Variants in RIF1 observed in about 807,000 individuals in gnomAD.
The protein encoded by RIF1 is replication timing regulatory factor 1.
In RIF1, 45 loss-of-function variants were observed where a neutral mutation model predicts 247.1. The observed-to-expected ratio is 0.18, with a 90% CI of 0.14 to 0.23. The LOEUF is 0.23. RIF1 is among the 10% of genes least tolerant of loss of function. RIF1 has a pLI of 1.00. For synonymous variants in RIF1, 1,087 were observed against 978.8 expected (o/e 1.11, Z -2.06); for missense variants, 2,967 against 2,862.5 (o/e 1.04, Z -0.83).
chr2:151,482,303 C>G (rs77264757), downstream of RIF1: 3,841 of 152,082 alleles, frequency 0.025, 63 homozygotes, highest in African/African-American at 0.042. Flanking sequence ...AAACATGAAC[C>G]CTTCCTTTTC....
At chr2:151,495,981 AAAAC>A (rs1447520857) in intron 10 of RIF1, among the ~76,000 whole-genome samples, 1 of 152,168 alleles carries the variant, frequency 6.6e-6, no homozygotes, top group Non-Finnish European at 1.5e-5. Flanking sequence ...AAGCATATCT[AAAAC>A]AAAGAGACCT....
At chr2:151,511,947 C>T (rs910670879), downstream of RIF1, among the ~76,000 whole-genome samples, 2 of 151,432 alleles carry the variant, frequency 1.3e-5, no homozygotes, top group Admixed American at 6.6e-5. Context: ...ACAAGTTGTA[C>T]CATGTTCTTC....
downstream of RIF1, chr2:151,485,837 C>A (rs1304300842): frequency 1.2e-6 from 2 of 1,614,100 alleles, no homozygotes; most frequent in Admixed American, 3.3e-5. Flanking sequence ...ATCCAGCCTT[C>A]ATCAATTGCT....
Position 151,451,630 on chromosome 2 carries a change from A to G in RIF1, c.2269A>G (p.Ile757Val), listed in dbSNP as rs139190699. The G allele has an allele frequency of 1.8e-4, 263 of 1,459,142 alleles. 3 individuals carry two copies. The South Asian group carries it at 2.6e-3, about 14-fold the overall frequency. The allele number at this position is 1,459,142 out of a possible 1,614,324, so 90.4% of individuals were successfully genotyped here. A position where few individuals can be genotyped will look rare whatever the true frequency, so the allele number is the denominator to read the frequency against. ...FSNLLFVDRI[I>V]YIITVMVDCI... The stretch of plus-strand genomic sequence containing the variant: ...GAATTTGTTGTTCGTGGATAGAATT[A>G]TTTATATTATTACTGTAATGGTTGA... Residue 757 changes from isoleucine (I) to valine (V), a missense_variant, in exon 21 of 36, where the codon ATT becomes GTT. Physicochemically the swap from Ile to Val is conservative, Grantham distance 29. Around this residue, in one of 7 missense-constraint regions of RIF1, gnomAD observed 2,028 missense variants for 1,825.6 expected, o/e 1.11. Transcript: ENST00000444746.
intron 9 of RIF1, chr2:151,493,074 C>A: frequency 2.9e-6 from 1 of 339,206 alleles, no homozygotes; most frequent in Non-Finnish European, 5.4e-6. Context: ...GTAGAACTAC[C>A]TCAAAGTATA....
intron 9 of RIF1, among the ~76,000 whole-genome samples, chr2:151,432,765 A>G (rs1690405939): frequency 2.6e-5 from 4 of 152,228 alleles, no homozygotes; most frequent in Admixed American, 6.5e-5. Context: ...TAAGATGTCA[A>G]TAGCATCCCC....
At chr2:151,421,752 C>T (rs1040213920) in intron 7 of RIF1, among the ~76,000 whole-genome samples, 2 of 151,992 alleles carry the variant, frequency 1.3e-5, no homozygotes, top group South Asian at 2.1e-4. Context: ...CAGAAGACTT[C>T]GTGGTAATGT....
chr2:151,522,293 T>C, the RIF1 span, among the ~76,000 whole-genome samples: 1 of 152,230 alleles, frequency 6.6e-6, no homozygotes, highest in African/African-American at 2.4e-5. Context: ...TAAAAGTTTA[T>C]ACTGTTGATT....
rs149469430 is a variant in RIF1, at chr2:151,455,175, T to A, written c.2609+16T>A. The A allele has an allele frequency of 7.3e-4, 1,153 of 1,578,272 alleles. 5 individuals carry two copies. The African/African-American group carries it at 0.014, about 19-fold the overall frequency. On this transcript the variant is annotated intron_variant, in intron 22 of 35. Transcript: ENST00000444746. The stretch of plus-strand genomic sequence containing the variant: ...AAAACTCAAAGTAAGTATTTTGGAC[T>A]AAGTAGCTTTGAATTAAATGTATAC...
At chr2:151,434,856 G>T (rs1286928568) in intron 10 of RIF1, among the ~76,000 whole-genome samples, 1 of 151,984 alleles carries the variant, frequency 6.6e-6, no homozygotes, top group African/African-American at 2.4e-5. Context: ...TATTTTAGGG[G>T]TATATTTTAT....
At chr2:151,456,339 T>C (rs1358777892) in intron 22 of RIF1, among the ~76,000 whole-genome samples, 1 of 152,202 alleles carries the variant, frequency 6.6e-6, no homozygotes, top group Admixed American at 6.5e-5. Flanking sequence ...GCAGTTAATA[T>C]GATTATTACT....
At chr2:151,466,526 C>A (rs569867463) in intron 30 of RIF1, among the ~76,000 whole-genome samples, 153 of 152,176 alleles carry the variant, frequency 1.0e-3, no homozygotes, top group African/African-American at 3.5e-3. Context: ...GTTTTACATA[C>A]ATGTTCCAGA....
At chr2:151,497,284 T>A (rs922797260) in intron 10 of RIF1, 2 of 949,730 alleles carry the variant, frequency 2.1e-6, no homozygotes, top group Admixed American at 6.2e-5. Context: ...CCATGTTATT[T>A]TTTTTTTTCC....
chr2:151,447,190 G>T (rs1302065741), intron 20 of RIF1, among the ~76,000 whole-genome samples: 1 of 151,966 alleles, frequency 6.6e-6, no homozygotes, highest in Non-Finnish European at 1.5e-5. Context: ...TGATCCGCCC[G>T]CCTCGGCCTC....
chr2:151,446,448 G>C lies in RIF1; in HGVS notation c.2117G>C (p.Arg706Thr). 6.2e-7 allele frequency: 1 copy of C among 1,614,064 alleles called. No homozygotes were observed. The highest frequency in any genetic ancestry group is 8.5e-7 in the Non-Finnish European group (1 of 1,180,010). ...FPVATMKTLLRTWSELYRAFA... is the reference protein window; with the variant it reads ...FPVATMKTLLTTWSELYRAFA... ...TAGGCCACCATGAAGACTTTGCTTA[G>C]AACTTGGTCAGAATTATATAGAGCA... The change falls in exon 20 of 36, where the codon AGA becomes ACA. Residue 706 changes from arginine (R) to threonine (T), a missense_variant. Arg to Thr is a moderately conservative substitution (Grantham distance 71, BLOSUM62 -1). Around this residue, in one of 7 missense-constraint regions of RIF1, gnomAD observed 76 missense variants for 113.3 expected, o/e 0.67. Transcript: ENST00000444746.
Position 151,451,617 on chromosome 2 carries a change from C to G in RIF1, c.2256C>G (p.Phe752Leu). ...ACTTTCTTCCCTAGAATTTGTTGTT[C>G]GTGGATAGAATTATTTATATTATTA... ...LEDEGFSNLL[F>L]VDRIIYIITV... The change falls in exon 21 of 36, where the codon TTC (phenylalanine) becomes TTG (leucine). Residue 752 changes from phenylalanine (F) to leucine (L), a missense_variant. This residue lies in a region of RIF1 where 2,028 missense variants were observed against 1,825.6 expected (regional missense o/e 1.11). Coordinates refer to ENST00000444746, the MANE Select transcript of RIF1 (RefSeq NM_018151.5). 1 of 1,424,498 alleles carries G rather than the reference C, an allele frequency of 7.0e-7. No homozygotes were observed. The highest frequency in any genetic ancestry group is 9.9e-7 in the Non-Finnish European group (1 of 1,008,920). The allele number at this position is 1,424,498 out of a possible 1,614,324, so 88.2% of individuals were successfully genotyped here.
chr2:151,460,078 C>A lies in RIF1; in HGVS notation c.3034C>A (p.Gln1012Lys). 2.5e-6 allele frequency: 4 copies of A among 1,571,108 alleles called. No homozygotes were observed. Among genetic ancestry groups the A allele is most frequent in the South Asian group, 2.4e-5 (2 of 84,472 alleles). The change falls in exon 26 of 36, where the codon CAA becomes AAA. Residue 1012 changes from glutamine to lysine, a missense_variant. Gln to Lys is a moderately conservative substitution (Grantham distance 53). Coordinates refer to ENST00000444746, the MANE Select transcript of RIF1 (RefSeq NM_018151.5). Reference sequence around the variant, plus strand: ...TGGAAAAAGAGATTCATTTTTGGCACAAACAAAGAATAAAAAAGAAAATAT... The same window carrying A: ...TGGAAAAAGAGATTCATTTTTGGCAAAAACAAAGAATAAAAAAGAAAATAT... ...SNGKRDSFLA[Q>K]TKNKKENMKP...
At chr2:151,462,623 A>G (rs1696359626) in intron 29 of RIF1, among the ~76,000 whole-genome samples, 157 bp downstream of exon 29, 1 of 150,828 alleles carries the variant, frequency 6.6e-6, no homozygotes, top group Non-Finnish European at 1.5e-5. Flanking sequence ...TTCAGATACT[A>G]GCAGAATATC....
the RIF1 span, chr2:151,534,357 A>G: frequency 6.4e-7 from 1 of 1,554,674 alleles, no homozygotes; most frequent in South Asian, 1.1e-5. Flanking sequence ...CAAGAGTACA[A>G]CTTCAAGGCT....
Sources: gnomAD v4.1 joint callset for allele counts (sites outside exome capture counted in the v4.1 genomes callset) on GRCh38, gnomAD v4.1.1 for gene constraint, gnomAD v4.1.1 regional missense constraint, MANE v1.5 for transcripts, NCBI Gene and HGNC (gene_info 2026-07-23, HGNC 2026-07-21) for gene names.